Variants in NTSR1 observed in about 807,000 individuals in gnomAD.
The protein encoded by NTSR1 is neurotensin receptor type 1.
NTSR1 carries 29 observed loss-of-function variants against 31.2 expected under a neutral mutation model. That is an observed-to-expected ratio of 0.93 (90% CI 0.69 to 1.27). The LOEUF (loss-of-function observed/expected upper bound fraction) is 1.27. NTSR1 is among the 50% of genes most tolerant of loss of function. NTSR1 has a pLI of 0.00. For synonymous variants in NTSR1, 282 were observed against 269.9 expected (o/e 1.04, Z -0.44); for missense variants, 697 against 595.4 (o/e 1.17, Z -1.78).
At chr20:62,716,576 G>A (rs1026962820) in intron 1 of NTSR1, among the ~76,000 whole-genome samples, 2 of 152,224 alleles carry the variant, frequency 1.3e-5, no homozygotes, top group African/African-American at 4.8e-5. Context: ...ACTGAGGGGT[G>A]GATTTCAGCG....
intron 1 of NTSR1, among the ~76,000 whole-genome samples, chr20:62,752,897 C>T (rs976020925): frequency 5.3e-5 from 8 of 151,954 alleles, no homozygotes; most frequent in African/African-American, 7.3e-5. Flanking sequence ...ACAGGAGGGA[C>T]GCGGGACGGC....
At chr20:62,719,220 T>G (rs1988789340) in intron 1 of NTSR1, among the ~76,000 whole-genome samples, 1 of 152,204 alleles carries the variant, frequency 6.6e-6, no homozygotes. Context: ...CTGAGAGATT[T>G]TTTTCTTCAT....
At chr20:62,759,567 G>A (rs1440288784) in intron 3 of NTSR1, among the ~76,000 whole-genome samples, 1 of 152,002 alleles carries the variant, frequency 6.6e-6, no homozygotes, top group Admixed American at 6.6e-5. Context: ...GAGGTCAGGA[G>A]ATCGAGACCA....
intron 1 of NTSR1, among the ~76,000 whole-genome samples, chr20:62,730,261 C>G (rs1988980632): frequency 6.6e-6 from 1 of 152,170 alleles, no homozygotes; most frequent in East Asian, 1.9e-4. Context: ...GTTTATTCCT[C>G]CCTCCCCACA....
Position 62,709,711 on chromosome 20 carries a change from G to A in NTSR1, c.504G>A (p.Leu168=). ...CCAGCCTGAGTGTGGAGCGCTACCTGGCCATCTGCCACCCCTTCAAGGCCA... is the reference window on the plus strand; with the variant it reads ...CCAGCCTGAGTGTGGAGCGCTACCTAGCCATCTGCCACCCCTTCAAGGCCA... The part of the protein sequence containing the change: ...NVASLSVERY[L]AICHPFKAKT... The change falls in exon 1 of 4, where the codon CTG becomes CTA. Residue 168 remains leucine, a synonymous_variant. Coordinates refer to ENST00000370501, the MANE Select transcript of NTSR1 (RefSeq NM_002531.3). The A allele has an allele frequency of 6.2e-7, 1 of 1,612,876 alleles. No homozygotes were observed. Among genetic ancestry groups the A allele is most frequent in the Non-Finnish European group, 8.5e-7 (1 of 1,179,884 alleles).
intron 1 of NTSR1, among the ~76,000 whole-genome samples, chr20:62,740,784 G>C (rs757847505): frequency 6.6e-6 from 1 of 152,180 alleles, no homozygotes; most frequent in African/African-American, 2.4e-5. Flanking sequence ...AAGCCCTGTC[G>C]TGCTTCCCAG....
At chr20:62,759,250 G>A (rs1045714921) in intron 3 of NTSR1, among the ~76,000 whole-genome samples, 1 of 152,214 alleles carries the variant, frequency 6.6e-6, no homozygotes, top group Non-Finnish European at 1.5e-5. Flanking sequence ...CTGACTGGTA[G>A]TAATTGAGCT....
intron 1 of NTSR1, among the ~76,000 whole-genome samples, chr20:62,728,119 G>C (rs1438613823): frequency 6.6e-6 from 1 of 152,234 alleles, no homozygotes; most frequent in Non-Finnish European, 1.5e-5. Flanking sequence ...GTGGATGAGG[G>C]GTGTGGACTG....
chr20:62,709,174 G>A lies in NTSR1; in HGVS notation c.-34G>A. On this transcript the variant is annotated 5_prime_UTR_variant, in exon 1 of 4. Transcript: ENST00000370501. ...CCTGCCCGGACTTCCAGCCCCGGAG[G>A]CGCCGGACAGAGCCGCGGACTCCAG... 8 of 1,379,132 alleles carry A rather than the reference G, an allele frequency of 5.8e-6. No individual in the cohort carries two copies. Among genetic ancestry groups the A allele is most frequent in the Non-Finnish European group, 7.5e-6 (8 of 1,070,764 alleles). The allele number at this position is 1,379,132 out of a possible 1,614,324, so 85.4% of individuals were successfully genotyped here. A position where few individuals can be genotyped will look rare whatever the true frequency, so the allele number is the denominator to read the frequency against.
chr20:62,727,591 A>T (rs894866971), intron 1 of NTSR1, among the ~76,000 whole-genome samples: 1 of 152,228 alleles, frequency 6.6e-6, no homozygotes, highest in Non-Finnish European at 1.5e-5. Context: ...CGCCTCCAGC[A>T]TCGAGGTGAC....
Position 62,709,238 on chromosome 20 carries a change from C to A in NTSR1, c.31C>A (p.Pro11Thr), listed in dbSNP as rs747728549. 6.7e-7 allele frequency: 1 copy of A among 1,501,870 alleles called. No homozygotes were observed. Among genetic ancestry groups the A allele is most frequent in the South Asian group, 1.3e-5 (1 of 78,228 alleles). The allele number at this position is 1,501,870 out of a possible 1,614,324, so 93.0% of individuals were successfully genotyped here. A position where few individuals can be genotyped will look rare whatever the true frequency, so the allele number is the denominator to read the frequency against. The change falls in exon 1 of 4, where the codon CCG becomes ACG. Residue 11 changes from proline to threonine, a missense_variant. Physicochemically the swap from Pro to Thr is conservative, Grantham distance 38. Coordinates refer to ENST00000370501, the MANE Select transcript of NTSR1 (RefSeq NM_002531.3). MRLNSSAPGT[P>T]GTPAADPFQR... is the part of the protein sequence containing the mutation. ...CCTCAACAGCTCCGCGCCGGGAACC[C>A]CGGGCACGCCGGCCGCCGACCCCTT...
At position 62,760,013 on chromosome 20, in the gene NTSR1, C is replaced by T. The variant is rs371325601; in HGVS notation, c.1008-5C>T. 2.5e-5 allele frequency: 41 copies of T among 1,613,246 alleles called. No individual in the cohort carries two copies. The African/African-American group carries it at 4.4e-4, about 17-fold the overall frequency. ...TGGGATCTGAGCGCCTCTCTCTCCC[C>T]GCAGGTTCCTCTATGACTTCTACCA... is the stretch of plus-strand genomic sequence containing the variant. On this transcript the variant is annotated splice_region_variant and splice_polypyrimidine_tract_variant and intron_variant, in intron 3 of 3. Transcript: ENST00000370501.
At chr20:62,739,534 G>A (rs1989165266) in intron 1 of NTSR1, among the ~76,000 whole-genome samples, 1 of 152,248 alleles carries the variant, frequency 6.6e-6, no homozygotes, top group African/African-American at 2.4e-5. Flanking sequence ...GGTACTTGGG[G>A]GTGTGAGGGG....
At chr20:62,747,344 C>T (rs6062316) in intron 1 of NTSR1, among the ~76,000 whole-genome samples, 3 of 128,236 alleles carry the variant, frequency 2.3e-5, no homozygotes, top group African/African-American at 3.0e-5. Flanking sequence ...GTAAAGGCCA[C>T]GTATGACAGA....
chr20:62,755,754 A>T (rs1210110220), intron 2 of NTSR1, among the ~76,000 whole-genome samples: 2 of 824 alleles, frequency 2.4e-3, no homozygotes, highest in Non-Finnish European at 2.6e-3. Context: ...CCCTCCAGCC[A>T]TCCTCCCTCC....
Position 62,742,628 on chromosome 20 carries a change from A to G in NTSR1, c.715-12057A>G, listed in dbSNP as rs1989224837. On this transcript the variant is annotated intron_variant, in intron 1 of 3. Coordinates refer to ENST00000370501, the MANE Select transcript of NTSR1 (RefSeq NM_002531.3). This position sits in a 1 kb window ranked among gnomAD's most constrained non-coding sequence, Gnocchi z 7.1. Reference sequence around the variant, plus strand: ...CAGACACCTGTTTACACAGGGCCCTAGGTCTCAGGTGTCCTGTGGGTGGCC... The same window carrying G: ...CAGACACCTGTTTACACAGGGCCCTGGGTCTCAGGTGTCCTGTGGGTGGCC... 6.7e-6 allele frequency among the ~76,000 whole-genome samples: 1 copy of G among 149,402 alleles called. No individual in the cohort carries two copies. Among genetic ancestry groups the G allele is most frequent in the Non-Finnish European group, 1.5e-5 (1 of 68,008 alleles).
chr20:62,710,324 C>T lies in NTSR1; in HGVS notation c.714+403C>T, dbSNP rs374360549. Among the ~76,000 whole-genome samples, 6 of 152,352 alleles carry T rather than the reference C, an allele frequency of 3.9e-5. No individual in the cohort carries two copies. The East Asian group carries it at 5.8e-4, about 15-fold the overall frequency. On this transcript the variant is annotated intron_variant, in intron 1 of 3. Coordinates refer to ENST00000370501, the MANE Select transcript of NTSR1 (RefSeq NM_002531.3). The stretch of plus-strand genomic sequence containing the variant: ...AGAGAAGCCCCCAGACTGGCTCTGC[C>T]GGTGCCTCCCAGCTGCCTGCCCTGA...
At chr20:62,734,087 G>A (rs901379167) in intron 1 of NTSR1, among the ~76,000 whole-genome samples, 6 of 152,106 alleles carry the variant, frequency 3.9e-5, no homozygotes, top group South Asian at 2.1e-4. Context: ...AGGTTTGCCC[G>A]ACCTCGAGTC....
At chr20:62,725,132 ATGGG>A (rs1321921518) in intron 1 of NTSR1, among the ~76,000 whole-genome samples, 2 of 152,206 alleles carry the variant, frequency 1.3e-5, no homozygotes, top group East Asian at 3.9e-4. Context: ...AAGGCACAGG[ATGGG>A]GCTCCCTGGC....
Sources: allele counts gnomAD v4.1 joint callset (sites outside exome capture counted in the v4.1 genomes callset), GRCh38; gene constraint gnomAD v4.1.1; non-coding constraint Gnocchi (gnomAD v3.1); transcripts MANE v1.5; gene names NCBI Gene and HGNC (gene_info 2026-07-23, HGNC 2026-07-21).